TBC1D1: variants seen among roughly 807,000 people sequenced by gnomAD.
The protein encoded by TBC1D1 is TBC1 (tre-2/USP6, BUB2, cdc16) domain family, member 1.
In TBC1D1, 89 loss-of-function variants were observed where a neutral mutation model predicts 125.6. The ratio of observed to expected loss-of-function variants is 0.71; its 90% CI spans 0.60 to 0.85. TBC1D1 has a LOEUF of 0.85. Ranked by LOEUF, TBC1D1 falls within the 40% of genes least tolerant of loss-of-function variation. TBC1D1 has a pLI of 0.00. For missense variants in TBC1D1, 1,377 were observed against 1,469.2 expected (o/e 0.94, Z 1.03); for synonymous variants, 565 against 564.1 (o/e 1.00, Z -0.02).
chr4:38,006,774 T>C (rs543767325), intron 2 of TBC1D1: 82 of 475,018 alleles, frequency 1.7e-4, no homozygotes, highest in Middle Eastern at 7.6e-4. Flanking sequence ...CCACTGCGCC[T>C]GGCCCAACAC....
intron 2 of TBC1D1, among the ~76,000 whole-genome samples, chr4:37,981,898 G>A (rs1734402154): frequency 6.6e-6 from 1 of 152,110 alleles, no homozygotes; most frequent in African/African-American, 2.4e-5. Context: ...AGGTGATAGT[G>A]GTAGCTTGGA....
chr4:38,038,120 A>G (rs981691748), intron 8 of TBC1D1, among the ~76,000 whole-genome samples: 2 of 152,186 alleles, frequency 1.3e-5, no homozygotes, highest in East Asian at 3.9e-4. Flanking sequence ...GAAATGGGGA[A>G]GAGCAGTCAA....
chr4:38,095,709 G>T (rs530640146), intron 13 of TBC1D1, among the ~76,000 whole-genome samples: 1 of 152,270 alleles, frequency 6.6e-6, no homozygotes, highest in Middle Eastern at 3.4e-3. Context: ...AGTATGTTGG[G>T]GGTGAAGGGG....
intron 12 of TBC1D1, among the ~76,000 whole-genome samples, chr4:38,082,192 T>C (rs1756685857): frequency 6.6e-6 from 1 of 152,092 alleles, no homozygotes; most frequent in Admixed American, 6.5e-5. Context: ...TTCCCCACAA[T>C]ACTGAAGAAA....
Position 38,027,422 on chromosome 4 carries a change from A to C in TBC1D1, c.1211-366A>C, listed in dbSNP as rs554862962. 1.8e-4 allele frequency among the ~76,000 whole-genome samples: 28 copies of C among 152,326 alleles called. No individual in the cohort carries two copies. In the East Asian group the frequency reaches 4.8e-3, roughly 26 times the overall value. On this transcript the variant is annotated intron_variant, in intron 6 of 19. Transcript: ENST00000261439. ...CGTGTTGCTTGAGCTCAAGAGTTCG[A>C]GACCAGCCTGGGCAACATGGCGAAA... is the stretch of plus-strand genomic sequence containing the variant.
At chr4:38,071,747 A>T (rs1754746064) in intron 12 of TBC1D1, among the ~76,000 whole-genome samples, 2 of 152,180 alleles carry the variant, frequency 1.3e-5, no homozygotes, top group Non-Finnish European at 2.9e-5. Context: ...CTGTTTGCTT[A>T]AATCTCTCAT....
chr4:38,052,724 GCGCGCACACACACACACACACACA>G (rs1750929030), intron 11 of TBC1D1, among the ~76,000 whole-genome samples: 1 of 59,962 alleles, frequency 1.7e-5, no homozygotes, highest in African/African-American at 5.7e-5. Flanking sequence ...GCGCGCGCGC[GCGCGCACACACACACACACACACA>G]CACACACACA....
intron 17 of TBC1D1, among the ~76,000 whole-genome samples, chr4:38,122,689 G>C (rs1037036647): frequency 6.6e-6 from 1 of 152,186 alleles, no homozygotes; most frequent in African/African-American, 2.4e-5. Context: ...GCCTAATACA[G>C]TGCCTGATGT....
chr4:37,895,320 T>C (rs1011733395), intron 1 of TBC1D1, among the ~76,000 whole-genome samples: 1 of 152,208 alleles, frequency 6.6e-6, no homozygotes, highest in Non-Finnish European at 1.5e-5. Context: ...ACATAATCTC[T>C]GAGGGCCAGC....
intron 12 of TBC1D1, among the ~76,000 whole-genome samples, chr4:38,071,481 C>T (rs569060772): frequency 6.6e-6 from 1 of 152,322 alleles, no homozygotes; most frequent in African/African-American, 2.4e-5. Flanking sequence ...TCTCCCATTA[C>T]TCATCCTATA....
intron 15 of TBC1D1, among the ~76,000 whole-genome samples, chr4:38,104,990 C>T (rs1210642003): frequency 6.6e-6 from 1 of 152,028 alleles, no homozygotes; most frequent in Non-Finnish European, 1.5e-5. Context: ...CTCCTGACCT[C>T]GTGATCCTCC....
rs1578199204 is a variant in TBC1D1, at chr4:37,996,031, G to T, written c.418-18478G>T. 5 of 518,012 alleles carry T rather than the reference G, an allele frequency of 9.7e-6. No homozygotes were observed. In the East Asian group the frequency reaches 2.7e-4, roughly 28 times the overall value. The allele number at this position is 518,012 out of a possible 1,614,324, so 32.1% of individuals were successfully genotyped here. A position where few individuals can be genotyped will look rare whatever the true frequency, so the allele number is the denominator to read the frequency against. On this transcript the variant is annotated intron_variant, in intron 2 of 19. Coordinates refer to ENST00000261439, the MANE Select transcript of TBC1D1 (RefSeq NM_015173.4). Reference sequence around the variant, plus strand: ...ATGGGGATGTCCAGTGGGGCCCGGAGGGAGGTCAGGCAGCTACAATGAGGG... The same window carrying T: ...ATGGGGATGTCCAGTGGGGCCCGGATGGAGGTCAGGCAGCTACAATGAGGG...
intron 12 of TBC1D1, among the ~76,000 whole-genome samples, chr4:38,070,796 C>G (rs1016172809): frequency 6.6e-6 from 1 of 152,142 alleles, no homozygotes; most frequent in Admixed American, 6.5e-5. Flanking sequence ...ATTGTAGTGA[C>G]TTTTTTGGTA....
intron 2 of TBC1D1, among the ~76,000 whole-genome samples, chr4:38,010,738 TTCAGCCTTTCTC>T (rs1741302710): frequency 6.6e-6 from 1 of 152,194 alleles, no homozygotes; most frequent in Non-Finnish European, 1.5e-5. Context: ...GAATCTTTCA[TTCAGCCTTTCTC>T]TCAGCCTTCC....
intron 12 of TBC1D1, among the ~76,000 whole-genome samples, chr4:38,070,459 C>G (rs747329975): frequency 6.6e-6 from 1 of 152,232 alleles, no homozygotes; most frequent in Non-Finnish European, 1.5e-5. Flanking sequence ...CTCACACGCT[C>G]CTGCATCGCC....
intron 1 of TBC1D1, among the ~76,000 whole-genome samples, chr4:37,900,138 A>G (rs1715587714): frequency 6.6e-6 from 1 of 151,676 alleles, no homozygotes; most frequent in Non-Finnish European, 1.5e-5. Flanking sequence ...AAAGAAAAAA[A>G]AAAAAAAGTA....
Position 38,014,426 on chromosome 4 carries a change from G to C in TBC1D1, c.418-83G>C. 1 of 1,393,878 alleles carries C rather than the reference G, an allele frequency of 7.2e-7. No individual in the cohort carries two copies. Among genetic ancestry groups the C allele is most frequent in the Admixed American group, 1.8e-5 (1 of 56,458 alleles). The allele number at this position is 1,393,878 out of a possible 1,614,324, so 86.3% of individuals were successfully genotyped here. ...TCCGCAGTGGAGTAGCCAGCGGGGC[G>C]TCCCGAAAGAGCATGGTGCATTCAT... is the stretch of plus-strand genomic sequence containing the variant. On this transcript the variant is annotated intron_variant, in intron 2 of 19. Transcript: ENST00000261439. This position sits in a 1 kb window ranked among gnomAD's most constrained non-coding sequence, Gnocchi z 5.1.
At chr4:38,135,058 C>T (rs549667454) in intron 19 of TBC1D1, among the ~76,000 whole-genome samples, 7 of 152,262 alleles carry the variant, frequency 4.6e-5, no homozygotes, top group South Asian at 2.1e-4. Context: ...TGATCCCCTA[C>T]GAAAATATGC....
chr4:37,909,064 T>C (rs1180776196), intron 2 of TBC1D1, among the ~76,000 whole-genome samples: 1 of 152,210 alleles, frequency 6.6e-6, no homozygotes, highest in African/African-American at 2.4e-5. Flanking sequence ...CTTGACTCTT[T>C]GTAGATTTGA....
Sources: allele counts gnomAD v4.1 joint callset (sites outside exome capture counted in the v4.1 genomes callset), GRCh38; gene constraint gnomAD v4.1.1; non-coding constraint Gnocchi (gnomAD v3.1); transcripts MANE v1.5; gene names NCBI Gene and HGNC (gene_info 2026-07-23, HGNC 2026-07-21).